LCA5: variants seen among roughly 807,000 people sequenced by gnomAD.
LCA5 encodes lebercilin LCA5.
In LCA5, 37 loss-of-function variants were observed where a neutral mutation model predicts 53.0. That is an observed-to-expected ratio of 0.70 (90% CI 0.54 to 0.92). LCA5 has a LOEUF of 0.92. Ranked by LOEUF, LCA5 falls within the 40% of genes least tolerant of loss-of-function variation. LCA5 has a pLI of 0.00. For synonymous variants in LCA5, 303 were observed against 282.9 expected, an observed-to-expected ratio of 1.07 and a Z score of -0.71; for missense variants, 806 against 790.5, an observed-to-expected ratio of 1.02 and a Z score of -0.23.
rs941596135 is a variant in LCA5 at position 79,537,357 on chromosome 6, G to A, written c.-384C>T. On this transcript the variant is annotated 5_prime_UTR_variant, in exon 1 of 8. Coordinates refer to ENST00000369846, the MANE Select transcript of LCA5 (RefSeq NM_001122769.3). ...GGTTTGAACACAAGGATGGGACAGA[G>A]GCGAGGATCGGGGCTCCTGGGTGGC... 1 of 152,780 alleles carries A rather than the reference G, an allele frequency of 6.5e-6. No homozygotes were observed. Among genetic ancestry groups the A allele is most frequent in the Non-Finnish European group, 1.5e-5 (1 of 68,496 alleles). 9.5% of individuals were successfully genotyped at this position (152,780 alleles called of 1,614,324 possible).
At chr6:79,495,461 A>G (rs774274302) in intron 3 of LCA5, among the ~76,000 whole-genome samples, 2 of 152,008 alleles carry the variant, frequency 1.3e-5, no homozygotes, top group Non-Finnish European at 2.9e-5. Context: ...CTGAGTATAT[A>G]AAAAGTCGGG....
At chr6:79,498,478 C>A (rs533354680) in intron 3 of LCA5, among the ~76,000 whole-genome samples, 1 of 152,046 alleles carries the variant, frequency 6.6e-6, no homozygotes, top group African/African-American at 2.4e-5. Flanking sequence ...ACTTAAGTTC[C>A]AAATGATAAT....
At chr6:79,527,278 T>TA (rs917576493) in intron 1 of LCA5, among the ~76,000 whole-genome samples, 7 of 151,296 alleles carry the variant, frequency 4.6e-5, no homozygotes, top group South Asian at 2.1e-4. Flanking sequence ...AAGTTAACTC[T>TA]AAAAAAAAAT....
intron 1 of LCA5, among the ~76,000 whole-genome samples, chr6:79,525,879 A>G (rs568430949): frequency 1.3e-5 from 2 of 152,342 alleles, no homozygotes; most frequent in Admixed American, 6.5e-5. Flanking sequence ...TGGGAAAGCT[A>G]GCGTGAGTAA....
intron 6 of LCA5, 127 bp from the exon 7 acceptor site, chr6:79,489,343 G>T: frequency 2.1e-6 from 2 of 942,584 alleles, no homozygotes; most frequent in South Asian, 1.5e-5. Flanking sequence ...TTCAATTAAT[G>T]AATCAGTAAA....
Position 79,506,514 on chromosome 6 carries a change from G to A in LCA5, c.720+6698C>T, listed in dbSNP as rs143703899. On this transcript the variant is annotated intron_variant, in intron 3 of 7. Coordinates refer to ENST00000369846, the MANE Select transcript of LCA5 (RefSeq NM_001122769.3). The stretch of plus-strand genomic sequence containing the variant: ...AACCCCAACAGTAAGTCTTTCTTAT[G>A]AGGAGTTAGGACAGAATTGATGCCT... Among the ~76,000 whole-genome samples the A allele has an allele frequency of 1.5e-4, 23 of 152,224 alleles. No homozygotes were observed. The East Asian group carries it at 4.3e-3, about 28-fold the overall frequency.
chr6:79,506,060 T>G (rs1427010563), intron 3 of LCA5, among the ~76,000 whole-genome samples: 2 of 152,110 alleles, frequency 1.3e-5, no homozygotes, highest in Non-Finnish European at 2.9e-5. Context: ...TCAAGAGAAT[T>G]TGAATACCAA....
rs1175081478 is a variant in LCA5 at position 79,489,199 on chromosome 6, C to T, written c.1116G>A (p.Lys372=). ...TCCCTGCTTCTCCATGCCTGTCTTG[C>T]TTTTGAGATTGCAAGTCCTATTATA... ...GHLTLDLQSQ[K]QDRHGEAGIL... Residue 372 remains lysine, a synonymous_variant, in exon 7 of 8, where the codon AAG becomes AAA. Coordinates refer to ENST00000369846, the MANE Select transcript of LCA5 (RefSeq NM_001122769.3). The T allele has an allele frequency of 6.2e-7, 1 of 1,611,812 alleles. No individual in the cohort carries two copies. The highest frequency in any genetic ancestry group is 1.1e-5 in the South Asian group (1 of 91,036).
chr6:79,518,664 G>C (rs778214153), intron 2 of LCA5, 41 bp downstream of exon 2: 3 of 1,579,722 alleles, frequency 1.9e-6, no homozygotes, highest in Admixed American at 3.3e-5. Flanking sequence ...CACTCAAAAT[G>C]AGTCTTCTAG....
chr6:79,493,501 G>A, intron 4 of LCA5, 112 bp downstream of exon 4: 1 of 1,008,712 alleles, frequency 9.9e-7, no homozygotes, highest in Non-Finnish European at 1.5e-6. Flanking sequence ...TCAGAATTTT[G>A]TAAATTATAT....
intron 1 of LCA5, among the ~76,000 whole-genome samples, chr6:79,524,044 T>C (rs928272270): frequency 6.6e-6 from 1 of 152,198 alleles, no homozygotes; most frequent in African/African-American, 2.4e-5. Flanking sequence ...TTCCTAATTG[T>C]CTTTTTTTTC....
rs1303425850 is a variant in LCA5 at position 79,537,198 on chromosome 6, C to G, written c.-225G>C. 1 of 152,688 alleles carries G rather than the reference C, an allele frequency of 6.5e-6. No homozygotes were observed. Among genetic ancestry groups the G allele is most frequent in the East Asian group, 1.9e-4 (1 of 5,196 alleles). 9.5% of individuals were successfully genotyped at this position (152,688 alleles called of 1,614,324 possible). ...CGCAGGCTCTTCAGCAGAGCCGATGCGGCGTCCCGCCTCCTTGCCTTCCCT... is the reference window on the plus strand; with the variant it reads ...CGCAGGCTCTTCAGCAGAGCCGATGGGGCGTCCCGCCTCCTTGCCTTCCCT... On this transcript the variant is annotated 5_prime_UTR_variant, in exon 1 of 8. Transcript: ENST00000369846.
At chr6:79,499,360 C>T (rs1259465129) in intron 3 of LCA5, among the ~76,000 whole-genome samples, 2 of 151,822 alleles carry the variant, frequency 1.3e-5, no homozygotes, top group Admixed American at 6.6e-5. Context: ...AAAAATATAT[C>T]CTACAACTTC....
At chr6:79,493,548 GT>G in intron 4 of LCA5, 64 bp downstream of exon 4, 1 of 1,413,948 alleles carries the variant, frequency 7.1e-7, no homozygotes, top group Non-Finnish European at 1.0e-6. Context: ...AACATTTAGT[GT>G]TTTAAAATAT....
chr6:79,538,050 T>C (rs1450052530), upstream of LCA5, among the ~76,000 whole-genome samples: 1 of 125,572 alleles, frequency 8.0e-6, no homozygotes, highest in East Asian at 3.5e-4. Flanking sequence ...TTTTTTTTTT[T>C]TTTTAAGGAA....
intron 3 of LCA5, among the ~76,000 whole-genome samples, chr6:79,510,444 T>C (rs1185491833): frequency 6.6e-6 from 1 of 152,202 alleles, no homozygotes; most frequent in Non-Finnish European, 1.5e-5. Flanking sequence ...TAATCAATTT[T>C]TATTTGTCAA....
chr6:79,523,912 T>C (rs1419320489), intron 1 of LCA5, among the ~76,000 whole-genome samples: 1 of 152,230 alleles, frequency 6.6e-6, no homozygotes, highest in African/African-American at 2.4e-5. Context: ...TACCTTTATA[T>C]GTACGCTATA....
At chr6:79,524,555 CAT>C (rs542825351) in intron 1 of LCA5, among the ~76,000 whole-genome samples, 73 of 152,244 alleles carry the variant, frequency 4.8e-4, no homozygotes, top group Middle Eastern at 3.4e-3. Flanking sequence ...ATTTGTGACA[CAT>C]GTTACAGTCA....
At chr6:79,532,077 TA>T (rs544994332) in intron 1 of LCA5, among the ~76,000 whole-genome samples, 19 of 152,214 alleles carry the variant, frequency 1.2e-4, no homozygotes, top group Non-Finnish European at 2.2e-4. Context: ...CTGATCTCAT[TA>T]AATGGTAAAT....
Sources: allele counts gnomAD v4.1 joint callset (sites outside exome capture counted in the v4.1 genomes callset), GRCh38; gene constraint gnomAD v4.1.1; transcripts MANE v1.5; gene names NCBI Gene and HGNC (gene_info 2026-07-23, HGNC 2026-07-21).